TNNI3K: variants seen among roughly 807,000 people sequenced by gnomAD.
TNNI3K encodes serine/threonine-protein kinase TNNI3K.
In TNNI3K, 140 loss-of-function variants were observed where a neutral mutation model predicts 114.5. The ratio of observed to expected loss-of-function variants is 1.22; its 90% CI spans 1.07 to 1.41. TNNI3K has a LOEUF of 1.41. Among genes scored for constraint, TNNI3K ranks in the 40% most tolerant of loss-of-function variants. The probability of loss-of-function intolerance (pLI) is 0.00; values close to 1 mark genes in which losing one functional copy is unlikely to be tolerated. For synonymous variants in TNNI3K, 347 were observed against 347.5 expected, an observed-to-expected ratio of 1.00 and a Z score of 0.02; for missense variants, 1,125 against 1,007.6, an observed-to-expected ratio of 1.12 and a Z score of -1.58.
At chr1:74,253,368 TG>T (rs1422816212) in intron 4 of TNNI3K, among the ~76,000 whole-genome samples, 2 of 152,068 alleles carry the variant, frequency 1.3e-5, no homozygotes, top group African/African-American at 4.8e-5. Context: ...GTCAATGGGA[TG>T]GGGCACTGTG....
intron 9 of TNNI3K, among the ~76,000 whole-genome samples, chr1:74,344,388 G>A (rs1660894541): frequency 6.6e-6 from 1 of 152,162 alleles, no homozygotes; most frequent in Non-Finnish European, 1.5e-5. Flanking sequence ...GTTTCTTATG[G>A]ATAGAAAATA....
intron 20 of TNNI3K, 103 bp from the exon 21 acceptor site, chr1:74,463,338 T>A (rs1667528691): frequency 2.4e-6 from 3 of 1,231,756 alleles, no homozygotes; most frequent in Non-Finnish European, 3.6e-6. Flanking sequence ...CTGCTGATGT[T>A]GCTCAGATTG....
At chr1:74,263,092 G>A (rs1655775071) in intron 4 of TNNI3K, among the ~76,000 whole-genome samples, 1 of 152,066 alleles carries the variant, frequency 6.6e-6, no homozygotes, top group Non-Finnish European at 1.5e-5. Context: ...ATATGAGAGA[G>A]TGGCAAAGAC....
intron 17 of TNNI3K, among the ~76,000 whole-genome samples, chr1:74,429,736 T>G (rs565622149): frequency 1.1e-4 from 17 of 152,250 alleles, no homozygotes; most frequent in African/African-American, 3.6e-4. Context: ...GTTTGTAAAC[T>G]AATGACTTTC....
chr1:74,482,506 C>A (rs1668557044), intron 21 of TNNI3K, among the ~76,000 whole-genome samples: 1 of 152,104 alleles, frequency 6.6e-6, no homozygotes, highest in South Asian at 2.1e-4. Flanking sequence ...TCCATGAAAA[C>A]CTCTCTGTCC....
intron 17 of TNNI3K, among the ~76,000 whole-genome samples, chr1:74,411,884 G>A (rs1261708129): frequency 8.5e-5 from 13 of 152,152 alleles, no homozygotes; most frequent in Non-Finnish European, 1.5e-4. Flanking sequence ...GTAGACATGG[G>A]AGAAGGGGCA....
At chr1:74,526,041 C>A (rs147331996) in intron 23 of TNNI3K, among the ~76,000 whole-genome samples, 15 of 152,252 alleles carry the variant, frequency 9.9e-5, no homozygotes, top group African/African-American at 3.6e-4. Context: ...GGTATACATT[C>A]GCTTAAAACA....
At chr1:74,513,216 G>A (rs1448469315) in intron 23 of TNNI3K, among the ~76,000 whole-genome samples, 1 of 152,188 alleles carries the variant, frequency 6.6e-6, no homozygotes, top group Admixed American at 6.5e-5. Flanking sequence ...AGAGGTCCAC[G>A]TGTGCTTTCC....
intron 17 of TNNI3K, among the ~76,000 whole-genome samples, chr1:74,407,963 C>G (rs914519238): frequency 6.6e-6 from 1 of 152,094 alleles, no homozygotes; most frequent in Non-Finnish European, 1.5e-5. Flanking sequence ...GTCACTCGTC[C>G]TCATAGATCA....
intron 9 of TNNI3K, among the ~76,000 whole-genome samples, chr1:74,344,880 G>A (rs369042458): frequency 4.4e-4 from 67 of 152,074 alleles, no homozygotes; most frequent in African/African-American, 1.5e-3. Flanking sequence ...CTCCTTTTAC[G>A]TGAGGAATTC....
chr1:74,343,609 A>T (rs1209998056), intron 9 of TNNI3K, among the ~76,000 whole-genome samples: 1 of 152,156 alleles, frequency 6.6e-6, no homozygotes, highest in Non-Finnish European at 1.5e-5. Flanking sequence ...CTTAAACCTT[A>T]TGTGAAAATG....
At chr1:74,477,788 A>C (rs1415046873) in intron 21 of TNNI3K, among the ~76,000 whole-genome samples, 4 of 152,200 alleles carry the variant, frequency 2.6e-5, no homozygotes, top group Non-Finnish European at 5.9e-5. Flanking sequence ...GGAATGTGCT[A>C]TTAAGAAGAC....
intron 20 of TNNI3K, among the ~76,000 whole-genome samples, chr1:74,456,005 C>A (rs1667209121): frequency 1.3e-5 from 2 of 152,230 alleles, no homozygotes; most frequent in South Asian, 4.1e-4. Flanking sequence ...GAGGTCACTG[C>A]AAAGTTTTAA....
chr1:74,427,838 T>C (rs1665708174), intron 17 of TNNI3K, among the ~76,000 whole-genome samples: 1 of 152,116 alleles, frequency 6.6e-6, no homozygotes, highest in African/African-American at 2.4e-5. Flanking sequence ...CATAGAAACC[T>C]CAGAATCAAT....
chr1:74,359,322 G>T (rs1032781844), intron 11 of TNNI3K, among the ~76,000 whole-genome samples: 2 of 152,022 alleles, frequency 1.3e-5, no homozygotes, highest in Non-Finnish European at 2.9e-5. Context: ...GCTCTTATTG[G>T]TAAGTGCAGA....
chr1:74,466,600 G>A (rs1475403984), intron 21 of TNNI3K, among the ~76,000 whole-genome samples: 1 of 152,202 alleles, frequency 6.6e-6, no homozygotes, highest in Non-Finnish European at 1.5e-5. Context: ...AGCATATTAG[G>A]AAAGCAAAGT....
chr1:74,489,330 C>A, intron 22 of TNNI3K, 82 bp downstream of exon 22: 2 of 1,445,486 alleles, frequency 1.4e-6, no homozygotes, highest in Non-Finnish European at 9.4e-7. Flanking sequence ...TGAGCTGGTG[C>A]TTATGAAAAG....
chr1:74,431,943 G>A (rs1278048342), intron 17 of TNNI3K, among the ~76,000 whole-genome samples: 3 of 152,074 alleles, frequency 2.0e-5, no homozygotes, highest in African/African-American at 7.2e-5. Context: ...AGGACTAGTT[G>A]ACTTTTATCT....
intron 11 of TNNI3K, among the ~76,000 whole-genome samples, chr1:74,363,172 T>G (rs1662061799): frequency 6.6e-6 from 1 of 152,146 alleles, no homozygotes; most frequent in African/African-American, 2.4e-5. Context: ...TCCATTAAGG[T>G]TTATTTTTCT....
Sources: allele counts gnomAD v4.1 joint callset (sites outside exome capture counted in the v4.1 genomes callset), GRCh38; gene constraint gnomAD v4.1.1; transcripts MANE v1.5; gene names NCBI Gene and HGNC (gene_info 2026-07-23, HGNC 2026-07-21).